NSMCE2: variants seen among roughly 807,000 people sequenced by gnomAD.
NSMCE2 encodes NSE2 SUMO ligase component of SMC5/6 complex.
A neutral mutation model predicts 23.8 loss-of-function variants in NSMCE2; 24 were observed. That is an observed-to-expected ratio of 1.01 (90% CI 0.73 to 1.42). The LOEUF is 1.42. NSMCE2 is among the 40% of genes most tolerant of loss of function. The pLI, the probability that NSMCE2 is intolerant of heterozygous loss-of-function variation, is 0.00. For synonymous variants in NSMCE2, 92 were observed against 94.1 expected, an observed-to-expected ratio of 0.98 and a Z score of 0.13; for missense variants, 284 against 296.5, an observed-to-expected ratio of 0.96 and a Z score of 0.31.
intron 3 of NSMCE2, among the ~76,000 whole-genome samples, chr8:125,141,178 A>G (rs560277872): frequency 1.7e-3 from 253 of 152,310 alleles, no homozygotes; most frequent in Non-Finnish European, 2.7e-3. Flanking sequence ...ATTAACATAC[A>G]TTCTAAGGAT....
In NSMCE2 at chr8:125,102,464, C is replaced by T; in HGVS notation, c.134C>T (p.Ala45Val). 6.2e-7 allele frequency: 1 copy of T among 1,613,880 alleles called. No homozygotes were observed. Among genetic ancestry groups the T allele is most frequent in the Non-Finnish European group, 8.5e-7 (1 of 1,179,846 alleles). Residue 45 changes from alanine to valine, a missense_variant, in exon 3 of 8, where the codon GCT (alanine) becomes GTT (valine). Around this residue, in one of 2 missense-constraint regions of NSMCE2, gnomAD observed 182 missense variants for 155.5 expected, o/e 1.17. Transcript: ENST00000287437. ...GGTATGGACACAGCTTCTAGTGTTG[C>T]TTTGGATCTTGTGGAAAGTCAGAGT... ...NSGMDTASSV[A>V]LDLVESQTEV... is the part of the protein sequence containing the mutation.
At chr8:125,240,499 A>C (rs1419008118) in intron 5 of NSMCE2, among the ~76,000 whole-genome samples, 1 of 152,262 alleles carries the variant, frequency 6.6e-6, no homozygotes, top group Non-Finnish European at 1.5e-5. Flanking sequence ...ACATACTGGC[A>C]GCACAGGGAC....
chr8:125,095,565 C>T (rs974841589), intron 1 of NSMCE2, among the ~76,000 whole-genome samples: 4 of 152,002 alleles, frequency 2.6e-5, no homozygotes, highest in Non-Finnish European at 5.9e-5. Flanking sequence ...TGCACTCCAG[C>T]CTGGGTGACA....
At chr8:125,266,126 CTT>C (rs1433309445) in intron 5 of NSMCE2, among the ~76,000 whole-genome samples, 3 of 131,788 alleles carry the variant, frequency 2.3e-5, no homozygotes, top group East Asian at 4.4e-4. Flanking sequence ...GAGTTTTGCT[CTT>C]GTTGCCCAGG....
Position 125,189,929 on chromosome 8 carries a change from A to G in NSMCE2, c.418+7673A>G, listed in dbSNP as rs182977805. On this transcript the variant is annotated intron_variant, in intron 5 of 7. Transcript: ENST00000287437. ...CTTAGAACATTCAAACAAATTGATGAAGTTTGCTGGCTCTTCTATGGTTTT... is the reference window on the plus strand; with the variant it reads ...CTTAGAACATTCAAACAAATTGATGGAGTTTGCTGGCTCTTCTATGGTTTT... Among the ~76,000 whole-genome samples the G allele has an allele frequency of 2.6e-5, 4 of 152,306 alleles. No individual in the cohort carries two copies. In the South Asian group the frequency reaches 6.2e-4, roughly 24 times the overall value.
Position 125,201,213 on chromosome 8 carries a change from C to T in NSMCE2, c.418+18957C>T, listed in dbSNP as rs1823858960. On this transcript the variant is annotated intron_variant, in intron 5 of 7. Coordinates refer to ENST00000287437, the MANE Select transcript of NSMCE2 (RefSeq NM_173685.4). ...TTCTCCGTCCAGGTTTGTTCCATTG[C>T]TGGCGAGGAGCTGTGATCCGTTGGA... Among the ~76,000 whole-genome samples the T allele has an allele frequency of 2.6e-5, 4 of 152,184 alleles. No individual in the cohort carries two copies. The South Asian group carries it at 8.3e-4, about 32-fold the overall frequency.
intron 5 of NSMCE2, among the ~76,000 whole-genome samples, chr8:125,321,058 G>A (rs762743258): frequency 5.1e-4 from 78 of 152,158 alleles, no homozygotes; most frequent in Non-Finnish European, 2.6e-4. Flanking sequence ...GGGGGACGGT[G>A]CTAAACTGTT....
chr8:125,128,145 G>C (rs573231239), intron 3 of NSMCE2, among the ~76,000 whole-genome samples: 6 of 152,170 alleles, frequency 3.9e-5, no homozygotes, highest in Non-Finnish European at 5.9e-5. Context: ...GTAGGCTCTT[G>C]TAAGTCAAAT....
At chr8:125,216,277 A>G (rs1824578637) in intron 5 of NSMCE2, among the ~76,000 whole-genome samples, 1 of 152,212 alleles carries the variant, frequency 6.6e-6, no homozygotes, top group Non-Finnish European at 1.5e-5. Context: ...ATCAGTGTAC[A>G]TGTATCTGTT....
intron 4 of NSMCE2, among the ~76,000 whole-genome samples, chr8:125,180,262 A>G (rs78068134): frequency 0.022 from 3,290 of 152,290 alleles, 129 homozygotes; most frequent in African/African-American, 0.076. Flanking sequence ...TTCTTTAGCC[A>G]TACAGTACTT....
chr8:125,302,714 C>T (rs1176763691), intron 5 of NSMCE2, among the ~76,000 whole-genome samples: 1 of 152,068 alleles, frequency 6.6e-6, no homozygotes, highest in Non-Finnish European at 1.5e-5. Flanking sequence ...GGTTGGGGAG[C>T]GTGCAGGGGC....
chr8:125,102,362 C>A lies in NSMCE2; in HGVS notation c.32C>A (p.Ser11Ter). ...GGACGTTCCAGTTCAAATTCAGGTT[C>A]AACTGGTTTCATCTCCTTCAGTGGT... MPGRSSSNSG[S>*]TGFISFSGVE... The change falls in exon 3 of 8, where the codon TCA becomes TAA. Residue 11 changes from serine (S) to a stop codon, truncating the protein, a stop_gained. Transcript: ENST00000287437. LOFTEE classifies it high-confidence loss of function. 1 of 1,613,654 alleles carries A rather than the reference C, an allele frequency of 6.2e-7. No homozygotes were observed. The highest frequency in any genetic ancestry group is 1.1e-5 in the South Asian group (1 of 91,066).
intron 3 of NSMCE2, among the ~76,000 whole-genome samples, chr8:125,121,571 A>G (rs957237140): frequency 6.6e-6 from 1 of 152,214 alleles, no homozygotes; most frequent in South Asian, 2.1e-4. Context: ...TGAGGAGACC[A>G]TGAATCTGTA....
intron 5 of NSMCE2, among the ~76,000 whole-genome samples, chr8:125,288,125 G>T (rs534752896): frequency 6.6e-6 from 1 of 152,090 alleles, no homozygotes; most frequent in African/African-American, 2.4e-5. Flanking sequence ...CATACTGGCC[G>T]ATGTTTTAGG....
intron 3 of NSMCE2, among the ~76,000 whole-genome samples, chr8:125,123,921 C>T (rs1225911215): frequency 6.6e-6 from 1 of 152,084 alleles, no homozygotes; most frequent in Non-Finnish European, 1.5e-5. Flanking sequence ...ATGATTCACC[C>T]ATTTAAAATG....
chr8:125,302,066 G>C lies in NSMCE2; in HGVS notation c.419-55153G>C, dbSNP rs114796959. Among the ~76,000 whole-genome samples the C allele has an allele frequency of 3.2e-3, 485 of 151,892 alleles. 1 individual carries two copies. Among genetic ancestry groups the C allele is most frequent in the African/African-American group, 0.011 (437 of 41,456 alleles). ...TTCTGCCTCCCAGGATCATGTGATT[G>C]TCATGCCTCAGCCTCCCAGAGCTGG... is the stretch of plus-strand genomic sequence containing the variant. On this transcript the variant is annotated intron_variant, in intron 5 of 7. Transcript: ENST00000287437.
intron 1 of NSMCE2, among the ~76,000 whole-genome samples, chr8:125,097,794 A>G (rs1442831338): frequency 6.6e-6 from 1 of 152,222 alleles, no homozygotes; most frequent in African/African-American, 2.4e-5. Context: ...TTAAGGTTAT[A>G]TGAAATGTAT....
At chr8:125,141,273 A>G (rs934090503) in intron 3 of NSMCE2, among the ~76,000 whole-genome samples, 1 of 152,094 alleles carries the variant, frequency 6.6e-6, no homozygotes, top group Non-Finnish European at 1.5e-5. Context: ...TCTCTCTTTC[A>G]TTTTCTCTCC....
intron 3 of NSMCE2, among the ~76,000 whole-genome samples, chr8:125,143,097 C>T (rs545905802): frequency 2.0e-4 from 29 of 145,184 alleles, no homozygotes; most frequent in African/African-American, 5.8e-4. Context: ...TGTGGGTGCA[C>T]GCACACACAC....
Sources: allele counts gnomAD v4.1 joint callset (sites outside exome capture counted in the v4.1 genomes callset), GRCh38; gene constraint gnomAD v4.1.1; regional missense constraint gnomAD v4.1.1; transcripts MANE v1.5; gene names NCBI Gene and HGNC (gene_info 2026-07-23, HGNC 2026-07-21).